The following MLH3 variants were observed in gnomAD, a reference collection of about 807,000 sequenced individuals.
The protein encoded by MLH3 is mutL homolog 3.
In MLH3, 82 loss-of-function variants were observed where a neutral mutation model predicts 122.2. That is an observed-to-expected ratio of 0.67 (90% CI 0.56 to 0.81). The LOEUF is 0.81. Ranked by LOEUF, MLH3 falls within the 30% of genes least tolerant of loss-of-function variation. The probability of loss-of-function intolerance (pLI) is 0.00; values close to 1 mark genes in which losing one functional copy is unlikely to be tolerated. For synonymous variants in MLH3, 524 were observed against 599.5 expected (o/e 0.87, Z 1.84); for missense variants, 1,539 against 1,714.5 (o/e 0.90, Z 1.81).
chr14:75,033,938 T>C (rs1891215551), intron 6 of MLH3, among the ~76,000 whole-genome samples: 1 of 152,200 alleles, frequency 6.6e-6, no homozygotes, highest in Admixed American at 6.5e-5. Context: ...CTCACACCTG[T>C]AATCCCAGCA....
rs1297780008 is a variant in MLH3, at chr14:75,048,909, C to T, written c.747G>A (p.Met249Ile). ...ISSEAHYNKN[M>I]QFLFVNKRLV... is the part of the protein sequence containing the mutation. ...GTCTTTTGTTCACAAACAAAAACTG[C>T]ATATTCTTGTTGTAATGTGCTTCAG... The change falls in exon 2 of 13, where the codon ATG (methionine) becomes ATA (isoleucine). Residue 249 changes from methionine (M) to isoleucine (I), a missense_variant. Physicochemically the swap from Met to Ile is conservative, Grantham distance 10. Transcript: ENST00000355774. 6.2e-7 allele frequency: 1 copy of T among 1,613,604 alleles called. No individual in the cohort carries two copies. The highest frequency in any genetic ancestry group is 1.1e-5 in the South Asian group (1 of 90,960).
At chr14:75,039,079 G>A (rs1306548740) in intron 5 of MLH3, among the ~76,000 whole-genome samples, 2 of 152,028 alleles carry the variant, frequency 1.3e-5, no homozygotes, top group African/African-American at 2.4e-5. Context: ...GGATGGTCTC[G>A]AACTCCTGAC....
chr14:75,049,417 G>T lies in MLH3; in HGVS notation c.239C>A (p.Ser80Ter), dbSNP rs1566610687. 3 of 1,613,980 alleles carry T rather than the reference G, an allele frequency of 1.9e-6. No individual in the cohort carries two copies. Among genetic ancestry groups the T allele is most frequent in the Non-Finnish European group, 2.5e-6 (3 of 1,180,030 alleles). ...CCTTGGATTCTCCAAGTCCTGTACC[G>T]AGTGGCATTTACTGGTGAAATAACG... ...GNRYFTSKCHSVQDLENPRFY... is the reference protein window; with the variant it reads ...GNRYFTSKCH The change falls in exon 2 of 13, where the codon TCG becomes TAG. Residue 80 changes from serine to a stop codon, truncating the protein, a stop_gained. Coordinates refer to ENST00000355774, the MANE Select transcript of MLH3 (RefSeq NM_001040108.2). LOFTEE classifies it high-confidence loss of function.
chr14:75,040,428 C>T (rs567224709), intron 4 of MLH3, among the ~76,000 whole-genome samples: 1,472 of 101,770 alleles, frequency 0.014, 24 homozygotes, highest in Non-Finnish European at 0.016. Flanking sequence ...TCAGCCTGGG[C>T]GACACAGCAA....
At position 75,049,241 on chromosome 14, in the gene MLH3, T is replaced by C. The variant is rs768937255; in HGVS notation, c.415A>G (p.Arg139Gly). 2 of 1,614,250 alleles carry C rather than the reference T, an allele frequency of 1.2e-6. No individual in the cohort carries two copies. Among genetic ancestry groups the C allele is most frequent in the African/African-American group, 1.3e-5 (1 of 75,058 alleles). Residue 139 changes from arginine (R) to glycine (G), a missense_variant, in exon 2 of 13, where the codon AGA (arginine) becomes GGA (glycine). Arg to Gly is a moderately radical substitution (Grantham distance 125, BLOSUM62 -2). Coordinates refer to ENST00000355774, the MANE Select transcript of MLH3 (RefSeq NM_001040108.2). The stretch of plus-strand genomic sequence containing the variant: ...GTTACAGTAGTCCCAGCGCTTGCTC[T>C]AGTCACATCAGCTTCACAAGCTTTC... ...ALKACEADVT[R>G]ASAGTTVTVY...
chr14:75,042,629 A>G (rs952860427), intron 2 of MLH3, 152 bp from the exon 3 acceptor site: 2 of 660,576 alleles, frequency 3.0e-6, no homozygotes, highest in Non-Finnish European at 5.4e-6. Context: ...AAATCCTTTA[A>G]TGAAATTATG....
chr14:75,050,980 T>C (rs2139626243), intron 1 of MLH3: 1 of 152,390 alleles, frequency 6.6e-6, no homozygotes, highest in Admixed American at 6.5e-5. Context: ...AACTGCAGAA[T>C]TTCTGCTGCT....
chr14:75,046,651 C>T lies in MLH3; in HGVS notation c.3005G>A (p.Ser1002Asn). Residue 1002 changes from serine (S) to asparagine (N), a missense_variant, in exon 2 of 13, where the codon AGT becomes AAT. Coordinates refer to ENST00000355774, the MANE Select transcript of MLH3 (RefSeq NM_001040108.2). Reference protein sequence around the residue: ...EQQIGSLDSPSGMLMNPVEDA... With the variant: ...EQQIGSLDSPNGMLMNPVEDA... Reference sequence around the variant, plus strand: ...TTCTACCGGATTCATTAACATTCCACTGGGAGAGTCAAGACTTCCTATCTG... The same window carrying T: ...TTCTACCGGATTCATTAACATTCCATTGGGAGAGTCAAGACTTCCTATCTG... 3.1e-6 allele frequency: 5 copies of T among 1,614,208 alleles called. No individual in the cohort carries two copies. Among genetic ancestry groups the T allele is most frequent in the Non-Finnish European group, 4.2e-6 (5 of 1,180,040 alleles).
In MLH3 at chr14:75,046,623, A is replaced by G. The variant is rs760200108; in HGVS notation, c.3033T>C (p.Asp1011=). 6.2e-7 allele frequency: 1 copy of G among 1,614,212 alleles called. No homozygotes were observed. Among genetic ancestry groups the G allele is most frequent in the Non-Finnish European group, 8.5e-7 (1 of 1,180,020 alleles). ...AAATTCCATTTTGGTCACCTGTGGC[A>G]TCTTCTACCGGATTCATTAACATTC... ...PSGMLMNPVE[D]ATGDQNGICF... Residue 1011 remains aspartate (D), a synonymous_variant, in exon 2 of 13, where the codon GAT becomes GAC. Coordinates refer to ENST00000355774, the MANE Select transcript of MLH3 (RefSeq NM_001040108.2).
rs764543515 is a variant in MLH3 at position 75,048,952 on chromosome 14, A to C, written c.704T>G (p.Leu235Arg). The change falls in exon 2 of 13, where the codon CTT (leucine) becomes CGT (arginine). Residue 235 changes from leucine (L) to arginine (R), a missense_variant. Leu to Arg is a moderately radical substitution (Grantham distance 102). Transcript: ENST00000355774. The stretch of plus-strand genomic sequence containing the variant: ...TGCTTCAGAGCTGATATAGCCACTA[A>C]GCTCAAACTCTTTATATTTAAAACT... ...EISFKYKEFE[L>R]SGYISSEAHY... The C allele has an allele frequency of 1.2e-6, 2 of 1,613,032 alleles. No homozygotes were observed. The highest frequency in any genetic ancestry group is 8.5e-7 in the Non-Finnish European group (1 of 1,179,650).
At chr14:75,041,577 G>GAAA in intron 4 of MLH3, 38 bp downstream of exon 4, 3 of 1,258,430 alleles carry the variant, frequency 2.4e-6, no homozygotes, top group Non-Finnish European at 3.4e-6. Context: ...AGAAGAAGAA[G>GAAA]AAAAAAAAAA....
chr14:75,017,798 A>C (rs1595020718), intron 12 of MLH3, among the ~76,000 whole-genome samples: 1 of 152,194 alleles, frequency 6.6e-6, no homozygotes, highest in Non-Finnish European at 1.5e-5. Flanking sequence ...TAGTACCTGA[A>C]AACTCCATGC....
At chr14:75,046,215 G>A (rs1282022422) in intron 2 of MLH3, among the ~76,000 whole-genome samples, 161 bp downstream of exon 2, 1 of 150,642 alleles carries the variant, frequency 6.6e-6, no homozygotes, top group East Asian at 1.9e-4. Flanking sequence ...GTTGGACGTA[G>A]CAAATCTTCA....
At position 75,015,309 on chromosome 14, in the gene MLH3, G is replaced by A. The variant is rs1889831268; in HGVS notation, c.*1773C>T. The A allele has an allele frequency of 5.6e-6, 1 of 177,176 alleles. No homozygotes were observed. Among genetic ancestry groups the A allele is most frequent in the Non-Finnish European group, 1.2e-5 (1 of 82,402 alleles). 11.0% of individuals were successfully genotyped at this position (177,176 alleles called of 1,614,324 possible). The stretch of plus-strand genomic sequence containing the variant: ...ACATTGCTTGAGTCAGGCTAGTCAG[G>A]AAGGCCGGTTACATAATTTATGGAG... On this transcript the variant is annotated 3_prime_UTR_variant, in exon 13 of 13. Transcript: ENST00000355774.
rs1889857227 is a variant in MLH3, at chr14:75,015,866, T to C, written c.*1216A>G. 1 of 227,940 alleles carries C rather than the reference T, an allele frequency of 4.4e-6. No homozygotes were observed. Among genetic ancestry groups the C allele is most frequent in the East Asian group, 6.3e-5 (1 of 15,906 alleles). 14.1% of individuals were successfully genotyped at this position (227,940 alleles called of 1,614,324 possible). A position where few individuals can be genotyped will look rare whatever the true frequency, so the allele number is the denominator to read the frequency against. Reference sequence around the variant, plus strand: ...TCCATGAGCACGAATTGGTTTCCTGTATTAAAAAATGAGGAAAATCATTCA... The same window carrying C: ...TCCATGAGCACGAATTGGTTTCCTGCATTAAAAAATGAGGAAAATCATTCA... On this transcript the variant is annotated 3_prime_UTR_variant, in exon 13 of 13. Coordinates refer to ENST00000355774, the MANE Select transcript of MLH3 (RefSeq NM_001040108.2).
intron 5 of MLH3, 36 bp downstream of exon 5, chr14:75,039,875 A>ATATATATT (rs745500342): frequency 5.5e-5 from 22 of 401,954 alleles, no homozygotes; most frequent in African/African-American, 5.3e-4. Flanking sequence ...ATATATATAT[A>ATATATATT]TATATATTTA....
chr14:75,049,811 T>G (rs1892546761), intron 1 of MLH3, 93 bp from the exon 2 acceptor site: 4 of 815,486 alleles, frequency 4.9e-6, no homozygotes, highest in South Asian at 4.6e-5. Flanking sequence ...ATGAAATCAC[T>G]CTTATTAAAC....
At position 75,046,523 on chromosome 14, in the gene MLH3, GC is replaced by G. The variant is rs778653363; in HGVS notation, c.3132del (p.Trp1044CysfsTer7). The G allele has an allele frequency of 6.2e-7, 1 of 1,614,168 alleles. No homozygotes were observed. The highest frequency in any genetic ancestry group is 8.5e-7 in the Non-Finnish European group (1 of 1,180,020). Reference sequence around the variant, plus strand: ...CCCAGGGCTACATCGAAATGCCGCTGCCAATCTGAACAACACGTGTTTGACT... The same window carrying G: ...CCCAGGGCTACATCGAAATGCCGCTGCAATCTGAACAACACGTGTTTGACT... Reference protein sequence around the residue: ...TEESNTCCSDWQRHFDVALGR... With the variant: ...TEESNTCCSDXQRHFDVALGR... On this transcript the variant is annotated frameshift_variant, in exon 2 of 13. Coordinates refer to ENST00000355774, the MANE Select transcript of MLH3 (RefSeq NM_001040108.2). LOFTEE classifies it high-confidence loss of function.
chr14:75,036,966 C>T (rs1891457967), intron 6 of MLH3, among the ~76,000 whole-genome samples: 1 of 152,068 alleles, frequency 6.6e-6, no homozygotes, highest in Non-Finnish European at 1.5e-5. Context: ...CCATTCTCCA[C>T]ACTACAACCA....
Sources: gnomAD v4.1 joint callset for allele counts (sites outside exome capture counted in the v4.1 genomes callset) on GRCh38, gnomAD v4.1.1 for gene constraint, MANE v1.5 for transcripts, NCBI Gene and HGNC (gene_info 2026-07-23, HGNC 2026-07-21) for gene names.